The following RTL4 variants were observed in gnomAD, a reference collection of about 807,000 sequenced individuals.
The protein encoded by RTL4 is retrotransposon Gag-like protein 4.
In RTL4, 4 loss-of-function variants were observed where a neutral mutation model predicts 5.3. The observed-to-expected ratio is 0.75, with a 90% confidence interval of 0.37 to 1.72. The LOEUF (loss-of-function observed/expected upper bound fraction) is 1.72. Among genes scored for constraint, RTL4 ranks in the 40% most tolerant of loss-of-function variants. The pLI, the probability that RTL4 is intolerant of heterozygous loss-of-function variation, is 0.04. For missense variants in RTL4, 260 were observed against 227.1 expected (o/e 1.14, Z -0.93); for synonymous variants, 98 against 87.3 (o/e 1.12, Z -0.68).
At chrX:112,324,295 C>A in the RTL4 span, among the ~76,000 whole-genome samples, 4 of 112,083 alleles carry the variant, frequency 3.6e-5, no homozygotes, top group East Asian at 1.1e-3. Flanking sequence ...TATTTCATTG[C>A]ATGGATTTTG....
the RTL4 span, among the ~76,000 whole-genome samples, chrX:112,183,910 T>C: frequency 1.8e-5 from 2 of 111,825 alleles, no homozygotes; most frequent in African/African-American, 6.5e-5. Context: ...TCTTTGCTAT[T>C]GTGAATATTG....
At chrX:112,212,250 G>A in the RTL4 span, among the ~76,000 whole-genome samples, 345 of 111,199 alleles carry the variant, frequency 3.1e-3, 1 homozygote, top group Non-Finnish European at 5.2e-3. Flanking sequence ...GGTGGCGGGC[G>A]CCTGTAGTCC....
downstream of RTL4, among the ~76,000 whole-genome samples, chrX:112,457,405 T>C (rs1418005458): frequency 1.8e-5 from 2 of 111,629 alleles, no homozygotes; most frequent in Admixed American, 1.9e-4. Flanking sequence ...AGTACTGGGA[T>C]TGTATGAGAT....
chrX:112,105,979 C>G, the RTL4 span, among the ~76,000 whole-genome samples: 1 of 111,836 alleles, frequency 8.9e-6, no homozygotes, highest in Non-Finnish European at 1.9e-5. Context: ...AAAAAGTTTT[C>G]AACTTTTCCT....
At chrX:112,120,363 G>T in the RTL4 span, among the ~76,000 whole-genome samples, 6 of 111,718 alleles carry the variant, frequency 5.4e-5, no homozygotes, top group Admixed American at 9.5e-5. Context: ...TGCAAGCTCC[G>T]CCTCCCAGGT....
the RTL4 span, among the ~76,000 whole-genome samples, chrX:112,266,652 G>A: frequency 9.0e-6 from 1 of 111,443 alleles, no homozygotes; most frequent in South Asian, 3.8e-4. Flanking sequence ...CCCTTTTAAA[G>A]TTGGCCATTT....
the RTL4 span, among the ~76,000 whole-genome samples, chrX:112,374,097 C>G: frequency 9.0e-6 from 1 of 110,876 alleles, no homozygotes; most frequent in African/African-American, 3.3e-5. Flanking sequence ...TGTTTGCCTA[C>G]CCTAAATTTC....
chrX:112,237,137 T>C, the RTL4 span, among the ~76,000 whole-genome samples: 1 of 112,153 alleles, frequency 8.9e-6, no homozygotes, highest in South Asian at 3.7e-4. Context: ...TAAAGAATTC[T>C]AGATTTCAGG....
At chrX:112,148,933 G>T in the RTL4 span, among the ~76,000 whole-genome samples, 1 of 111,655 alleles carries the variant, frequency 9.0e-6, no homozygotes, top group South Asian at 3.8e-4. Flanking sequence ...AGGACCTCAG[G>T]TAGAGGGAGT....
At chrX:112,373,781 G>A in the RTL4 span, among the ~76,000 whole-genome samples, 3 of 109,279 alleles carry the variant, frequency 2.7e-5, no homozygotes, top group Admixed American at 2.9e-4. Flanking sequence ...AGTCAATCTC[G>A]ATCCCCCACT....
chrX:112,152,440 C>A, the RTL4 span, among the ~76,000 whole-genome samples: 2 of 111,623 alleles, frequency 1.8e-5, no homozygotes, highest in Non-Finnish European at 3.8e-5. Context: ...TAATGGTGGA[C>A]CTGTGTCTGT....
the RTL4 span, among the ~76,000 whole-genome samples, chrX:112,390,304 T>C: frequency 1.0e-5 from 1 of 98,901 alleles, no homozygotes; most frequent in East Asian, 3.3e-4. Flanking sequence ...AATAAAAAAT[T>C]AAATGGGCAT....
the RTL4 span, among the ~76,000 whole-genome samples, chrX:112,336,263 C>T: frequency 9.0e-6 from 1 of 111,667 alleles, no homozygotes; most frequent in African/African-American, 3.3e-5. Flanking sequence ...TTCTATTACT[C>T]TAACTTTCTA....
the RTL4 span, among the ~76,000 whole-genome samples, chrX:112,244,742 G>A: frequency 9.0e-6 from 1 of 111,704 alleles, no homozygotes; most frequent in Non-Finnish European, 1.9e-5. Context: ...TCATTATGAT[G>A]TTAGCTGGTT....
At chrX:112,419,337 C>CTTTTTTTTTT in the RTL4 span, among the ~76,000 whole-genome samples, 14 of 24,392 alleles carry the variant, frequency 5.7e-4, 4 homozygotes, top group African/African-American at 1.1e-3. Context: ...TTCCATTCAG[C>CTTTTTTTTTT]TTTTTTTTTT....
At chrX:112,140,530 T>C in the RTL4 span, among the ~76,000 whole-genome samples, 1 of 111,668 alleles carries the variant, frequency 9.0e-6, no homozygotes, top group African/African-American at 3.3e-5. Flanking sequence ...GTCTACAGAT[T>C]CAGTGTCTGG....
the RTL4 span, among the ~76,000 whole-genome samples, chrX:112,390,591 A>AT: frequency 5.5e-5 from 6 of 109,758 alleles, no homozygotes; most frequent in Admixed American, 9.7e-5. Flanking sequence ...TCAGTTGAAG[A>AT]TTTTTTTTTA....
At chrX:112,103,832 T>C in the RTL4 span, among the ~76,000 whole-genome samples, 2 of 111,407 alleles carry the variant, frequency 1.8e-5, no homozygotes, top group Non-Finnish European at 3.8e-5. Flanking sequence ...TATATATACA[T>C]TGTGGAATGG....
chrX:112,170,049 G>C, the RTL4 span, among the ~76,000 whole-genome samples: 4 of 112,188 alleles, frequency 3.6e-5, no homozygotes, highest in African/African-American at 9.7e-5. Context: ...TGTCAGGTTT[G>C]TTGAAGATCA....
Sources: gnomAD v4.1 joint callset for allele counts (sites outside exome capture counted in the v4.1 genomes callset) on GRCh38, gnomAD v4.1.1 for gene constraint, MANE v1.5 for transcripts, NCBI Gene and HGNC (gene_info 2026-07-23, HGNC 2026-07-21) for gene names.